The following STK32B variants were observed in gnomAD, a reference collection of about 807,000 sequenced individuals.
STK32B encodes the protein serine/threonine kinase 32B.
Under a neutral mutation model 52.6 loss-of-function variants are expected in STK32B, and 43 were observed. That is an observed-to-expected ratio of 0.82 (90% CI 0.64 to 1.05). The LOEUF is 1.05. Ranked by LOEUF, STK32B falls within the 50% of genes least tolerant of loss-of-function variation. STK32B has a pLI of 0.00. For synonymous variants in STK32B, 238 were observed against 204.3 expected (o/e 1.17, Z -1.41); for missense variants, 621 against 534.6 (o/e 1.16, Z -1.59).
intron 3 of STK32B, among the ~76,000 whole-genome samples, chr4:5,326,148 T>C (rs2108946622): frequency 6.6e-6 from 1 of 152,360 alleles, no homozygotes; most frequent in Non-Finnish European, 1.5e-5. Context: ...CTGAATGAGA[T>C]GCCCTTTGAC....
Position 5,384,821 on chromosome 4 carries a change from A to G in STK32B, c.435-13386A>G, listed in dbSNP as rs114613963. ...GAAACAGAAGGAAGGGGCTGTGACG[A>G]TTCCAGAGTGGGATGTTTGAGGAGA... On this transcript the variant is annotated intron_variant, in intron 4 of 11. Transcript: ENST00000282908. 2.9e-3 allele frequency among the ~76,000 whole-genome samples: 448 copies of G among 152,284 alleles called. 4 individuals carry two copies. Among genetic ancestry groups the G allele is most frequent in the African/African-American group, 0.01 (419 of 41,554 alleles).
At chr4:5,382,403 C>T (rs910689398) in intron 4 of STK32B, among the ~76,000 whole-genome samples, 1 of 152,100 alleles carries the variant, frequency 6.6e-6, no homozygotes, top group Non-Finnish European at 1.5e-5. Flanking sequence ...GTGCTGTGAA[C>T]GGTGCCGGAT....
intron 1 of STK32B, among the ~76,000 whole-genome samples, chr4:5,100,769 C>A (rs1229136345): frequency 2.0e-5 from 1 of 49,596 alleles, no homozygotes. Flanking sequence ...TCCTCCCTCC[C>A]TCCTTCCCTT....
intron 4 of STK32B, among the ~76,000 whole-genome samples, chr4:5,353,972 G>A (rs1008943324): frequency 3.9e-5 from 6 of 152,142 alleles, no homozygotes; most frequent in Non-Finnish European, 7.4e-5. Context: ...GCGAAGATAC[G>A]GAATCAACCT....
intron 3 of STK32B, among the ~76,000 whole-genome samples, chr4:5,177,388 C>T (rs535589469): frequency 2.0e-5 from 3 of 152,140 alleles, no homozygotes; most frequent in Admixed American, 6.5e-5. Context: ...TAATTGCCTC[C>T]CACTAGGTCC....
intron 2 of STK32B, among the ~76,000 whole-genome samples, chr4:5,155,017 A>G (rs776024179): frequency 1.7e-4 from 26 of 152,060 alleles, no homozygotes; most frequent in Non-Finnish European, 3.5e-4. Context: ...TCTGCTTTCT[A>G]TCCTCTCTGT....
intron 3 of STK32B, among the ~76,000 whole-genome samples, chr4:5,179,517 G>A (rs1720192734): frequency 6.6e-6 from 1 of 152,078 alleles, no homozygotes; most frequent in South Asian, 2.1e-4. Context: ...TGATATATTA[G>A]ATAGATGATA....
At chr4:5,066,261 C>T (rs2108762998) in intron 1 of STK32B, among the ~76,000 whole-genome samples, 1 of 152,232 alleles carries the variant, frequency 6.6e-6, no homozygotes, top group East Asian at 1.9e-4. Flanking sequence ...TCCAATTAAG[C>T]ACCTGGCTAT....
intron 3 of STK32B, among the ~76,000 whole-genome samples, chr4:5,198,392 A>C (rs192018601): frequency 6.6e-6 from 1 of 152,308 alleles, no homozygotes; most frequent in Admixed American, 6.5e-5. Flanking sequence ...GGAAGGTGGT[A>C]GCTTATACTT....
intron 3 of STK32B, among the ~76,000 whole-genome samples, chr4:5,309,024 T>A (rs184231668): frequency 1.6e-3 from 239 of 152,150 alleles, no homozygotes; most frequent in South Asian, 6.6e-3. Context: ...AAAAAAACTC[T>A]TATGGGTGAT....
chr4:5,049,459 C>T (rs1315295816), upstream of STK32B, among the ~76,000 whole-genome samples: 2 of 151,904 alleles, frequency 1.3e-5, no homozygotes, highest in African/African-American at 2.4e-5. Context: ...AGAGAGTCAG[C>T]GAAGAGAGAT....
chr4:5,379,674 A>G (rs547908212), intron 4 of STK32B, among the ~76,000 whole-genome samples: 1 of 152,324 alleles, frequency 6.6e-6, no homozygotes, highest in African/African-American at 2.4e-5. Context: ...ACAAGAGGCC[A>G]TTAGAACACA....
chr4:5,182,553 C>T (rs1321330185), intron 3 of STK32B, among the ~76,000 whole-genome samples: 1 of 151,954 alleles, frequency 6.6e-6, no homozygotes, highest in Admixed American at 6.6e-5. Context: ...CCTCTGCCTC[C>T]CGGGTTCAAG....
chr4:5,164,610 T>A (rs1718726339), intron 2 of STK32B, among the ~76,000 whole-genome samples: 1 of 152,212 alleles, frequency 6.6e-6, no homozygotes, highest in South Asian at 2.1e-4. Context: ...ATGGTCAGAT[T>A]CTGGAGTGGG....
intron 1 of STK32B, among the ~76,000 whole-genome samples, chr4:5,110,419 G>T (rs1344938192): frequency 1.3e-5 from 2 of 152,046 alleles, no homozygotes; most frequent in Non-Finnish European, 2.9e-5. Flanking sequence ...ATAGACACAT[G>T]TATCAATGGA....
Position 5,400,400 on chromosome 4 carries a change from C to G in STK32B, c.472+2156C>G, listed in dbSNP as rs563881587. ...TTGAGCTCCTCATCTTTTTCCACCCCCTGCTTGGCCTTCACAGTGTCCCAG... is the reference window on the plus strand; with the variant it reads ...TTGAGCTCCTCATCTTTTTCCACCCGCTGCTTGGCCTTCACAGTGTCCCAG... On this transcript the variant is annotated intron_variant, in intron 5 of 11. Transcript: ENST00000282908. The surrounding 1 kb of genome is among the most constrained non-coding windows in gnomAD (Gnocchi z 6.1). Among the ~76,000 whole-genome samples the G allele has an allele frequency of 5.9e-5, 9 of 152,280 alleles. No individual in the cohort carries two copies. In the East Asian group the frequency reaches 9.7e-4, roughly 16 times the overall value.
chr4:5,134,668 T>C (rs1715966913), intron 1 of STK32B, among the ~76,000 whole-genome samples: 1 of 152,250 alleles, frequency 6.6e-6, no homozygotes, highest in African/African-American at 2.4e-5. Flanking sequence ...ATCATTGGAC[T>C]AGCCAGACTA....
At chr4:5,124,806 A>G (rs1445975971) in intron 1 of STK32B, among the ~76,000 whole-genome samples, 1 of 152,184 alleles carries the variant, frequency 6.6e-6, no homozygotes, top group Non-Finnish European at 1.5e-5. Flanking sequence ...TGTTCATAAC[A>G]AAGAATTCGT....
chr4:5,113,265 A>G (rs1000394262), intron 1 of STK32B, among the ~76,000 whole-genome samples: 4 of 152,258 alleles, frequency 2.6e-5, no homozygotes, highest in Middle Eastern at 3.4e-3. Flanking sequence ...GAAGATGGCT[A>G]TCTATGAACC....
Sources: allele counts gnomAD v4.1 joint callset (sites outside exome capture counted in the v4.1 genomes callset), GRCh38; gene constraint gnomAD v4.1.1; non-coding constraint Gnocchi (gnomAD v3.1); transcripts MANE v1.5; gene names NCBI Gene and HGNC (gene_info 2026-07-23, HGNC 2026-07-21).